KHDRBS2: variants seen among roughly 807,000 people sequenced by gnomAD.
KHDRBS2 encodes the protein KH RNA binding domain containing, signal transduction associated 2.
A neutral mutation model predicts 44.3 loss-of-function variants in KHDRBS2; 26 were observed. The ratio of observed to expected loss-of-function variants is 0.59; its 90% CI spans 0.43 to 0.81. The LOEUF is 0.81. KHDRBS2 is among the 40% of genes least tolerant of loss of function. The probability of loss-of-function intolerance (pLI) is 0.00; values close to 1 mark genes in which losing one functional copy is unlikely to be tolerated. For missense variants in KHDRBS2, 476 were observed against 433.1 expected, an observed-to-expected ratio of 1.10 and a Z score of -0.88; for synonymous variants, 194 against 151.1, an observed-to-expected ratio of 1.28 and a Z score of -2.08.
intron 1 of KHDRBS2, among the ~76,000 whole-genome samples, chr6:62,250,486 T>C (rs1205128114): frequency 6.6e-6 from 1 of 151,558 alleles, no homozygotes; most frequent in African/African-American, 2.4e-5. Flanking sequence ...TTAGAGCTCA[T>C]ATCAAAAGAA....
At chr6:62,179,316 T>G (rs954395899) in intron 1 of KHDRBS2, among the ~76,000 whole-genome samples, 2 of 151,802 alleles carry the variant, frequency 1.3e-5, no homozygotes, top group African/African-American at 4.8e-5. Context: ...TGAAAATAAG[T>G]TATATGTCTA....
intron 1 of KHDRBS2, among the ~76,000 whole-genome samples, chr6:62,245,952 G>C (rs911877675): frequency 5.9e-5 from 9 of 151,576 alleles, no homozygotes; most frequent in South Asian, 2.1e-4. Context: ...ATAAACATCT[G>C]GACCTCACAA....
chr6:61,589,410 A>C, the KHDRBS2 span, among the ~76,000 whole-genome samples: 2 of 152,166 alleles, frequency 1.3e-5, no homozygotes, highest in Non-Finnish European at 2.9e-5. Flanking sequence ...ACAACACCTA[A>C]ATGTCTTCCT....
chr6:61,602,468 T>C, the KHDRBS2 span, among the ~76,000 whole-genome samples: 95 of 152,106 alleles, frequency 6.2e-4, no homozygotes, highest in Admixed American at 7.9e-4. Flanking sequence ...CCACGGAAAA[T>C]TGGACTGTTC....
intron 2 of KHDRBS2, among the ~76,000 whole-genome samples, chr6:62,048,841 A>G (rs999136596): frequency 9.9e-5 from 15 of 152,090 alleles, no homozygotes; most frequent in African/African-American, 3.6e-4. Flanking sequence ...CTAAAAATAC[A>G]AAGAACATAG....
chr6:62,185,629 A>C (rs1823265746), intron 1 of KHDRBS2, among the ~76,000 whole-genome samples: 1 of 152,028 alleles, frequency 6.6e-6, no homozygotes, highest in Admixed American at 6.6e-5. Flanking sequence ...TAACTGCTAG[A>C]CAATTTAAAT....
At chr6:62,040,253 GCACACGCACACA>G (rs1386495842) in intron 3 of KHDRBS2, among the ~76,000 whole-genome samples, 1 of 151,612 alleles carries the variant, frequency 6.6e-6, no homozygotes, top group Non-Finnish European at 1.5e-5. Context: ...ACGCATGCAC[GCACACGCACACA>G]CACACCCGTC....
intron 6 of KHDRBS2, among the ~76,000 whole-genome samples, chr6:61,821,909 C>A (rs1384021091): frequency 6.6e-6 from 1 of 151,892 alleles, no homozygotes. Context: ...ATGCACACTC[C>A]AGATAAAAAT....
At chr6:61,703,949 G>GT (rs1769082566) in intron 7 of KHDRBS2, among the ~76,000 whole-genome samples, 1 of 151,948 alleles carries the variant, frequency 6.6e-6, no homozygotes, top group African/African-American at 2.4e-5. Context: ...AGTGCTGAAG[G>GT]TGAAGTTAAC....
At chr6:61,799,732 A>G (rs181911382) in intron 6 of KHDRBS2, among the ~76,000 whole-genome samples, 166 of 152,192 alleles carry the variant, frequency 1.1e-3, no homozygotes, top group African/African-American at 3.9e-3. Flanking sequence ...TAGAAGACAA[A>G]AAAACAGTTG....
chr6:61,577,337 T>A, the KHDRBS2 span, among the ~76,000 whole-genome samples: 2 of 152,144 alleles, frequency 1.3e-5, no homozygotes, highest in African/African-American at 4.8e-5. Context: ...TTGCACAAAG[T>A]ACTTGAGATC....
chr6:62,228,900 G>A (rs758588958), intron 1 of KHDRBS2, among the ~76,000 whole-genome samples: 47 of 152,144 alleles, frequency 3.1e-4, no homozygotes, highest in Non-Finnish European at 6.0e-4. Context: ...CTCTGACCTC[G>A]AGGGGCACCG....
At chr6:61,949,331 T>C (rs9345802) in intron 4 of KHDRBS2, among the ~76,000 whole-genome samples, 52,024 of 151,936 alleles carry the variant, frequency 0.34, 9,076 homozygotes, top group Middle Eastern at 0.41. Flanking sequence ...TCTAAAGTCA[T>C]GGTGACTAAT....
At chr6:61,594,259 A>G in the KHDRBS2 span, among the ~76,000 whole-genome samples, 1 of 152,050 alleles carries the variant, frequency 6.6e-6, no homozygotes, top group Non-Finnish European at 1.5e-5. Context: ...AAAAAATATA[A>G]AAATCATTTC....
chr6:61,720,138 AGG>A (rs1248903380), intron 7 of KHDRBS2, among the ~76,000 whole-genome samples: 5 of 152,170 alleles, frequency 3.3e-5, no homozygotes, highest in Non-Finnish European at 7.3e-5. Context: ...TAGTATTTCA[AGG>A]TGTATATGTG....
At chr6:62,139,973 T>C (rs1812437409) in intron 2 of KHDRBS2, among the ~76,000 whole-genome samples, 1 of 152,162 alleles carries the variant, frequency 6.6e-6, no homozygotes, top group South Asian at 2.1e-4. Flanking sequence ...CAGCCCATTT[T>C]ATTTACTTTC....
At chr6:61,949,550 C>T (rs1764317085) in intron 4 of KHDRBS2, among the ~76,000 whole-genome samples, 2 of 151,828 alleles carry the variant, frequency 1.3e-5, no homozygotes, top group African/African-American at 2.4e-5. Context: ...CTATTTTTTT[C>T]AAAAAGTTTT....
In KHDRBS2 at chr6:61,886,623, A is replaced by C. The variant is rs1372000918; in HGVS notation, c.810+8012T>G. 8.5e-5 allele frequency among the ~76,000 whole-genome samples: 13 copies of C among 152,300 alleles called. 2 individuals carry two copies. Among genetic ancestry groups the C allele is most frequent in the Admixed American group, 7.9e-4 (12 of 15,282 alleles). ...ACCTTTTCCCCCAAATATCATAAGT[A>C]GGTTCAATTCAAAGCACTTTACTTA... On this transcript the variant is annotated intron_variant, in intron 6 of 8. Coordinates refer to ENST00000281156, the MANE Select transcript of KHDRBS2 (RefSeq NM_152688.4).
rs936809850 is a variant in KHDRBS2, at chr6:61,706,088, C to A, written c.894-8835G>T. On this transcript the variant is annotated intron_variant, in intron 7 of 8. Coordinates refer to ENST00000281156, the MANE Select transcript of KHDRBS2 (RefSeq NM_152688.4). ...TATTGGAACTTCTGTGCTTTATATT[C>A]ATTCCAACTCTAAACAGCTACCTCC... Among the ~76,000 whole-genome samples, 7 of 151,792 alleles carry A rather than the reference C, an allele frequency of 4.6e-5. No individual in the cohort carries two copies. In the East Asian group the frequency reaches 5.8e-4, roughly 13 times the overall value.
Sources: allele counts gnomAD v4.1 joint callset (sites outside exome capture counted in the v4.1 genomes callset), GRCh38; gene constraint gnomAD v4.1.1; transcripts MANE v1.5; gene names NCBI Gene and HGNC (gene_info 2026-07-23, HGNC 2026-07-21).